The following DYNC1LI2 variants were observed in gnomAD, a reference collection of about 807,000 sequenced individuals.
DYNC1LI2 encodes dynein cytoplasmic 1 light intermediate chain 2, also known as cytoplasmic dynein 1 light intermediate chain 2.
A neutral mutation model predicts 57.8 loss-of-function variants in DYNC1LI2; 19 were observed. The observed-to-expected ratio is 0.33, with a 90% CI of 0.23 to 0.48. The LOEUF (loss-of-function observed/expected upper bound fraction) is 0.48, where lower values mean the gene tolerates loss of function less well. Ranked by LOEUF, DYNC1LI2 falls within the 20% of genes least tolerant of loss-of-function variation. DYNC1LI2 has a pLI of 0.99. For synonymous variants in DYNC1LI2, 256 were observed against 233.4 expected (o/e 1.10, Z -0.88); for missense variants, 470 against 604.2 (o/e 0.78, Z 2.33).
Position 66,736,445 on chromosome 16 carries a change from T to C in DYNC1LI2, c.530-201A>G, listed in dbSNP as rs925144616. On this transcript the variant is annotated intron_variant, in intron 4 of 12. Coordinates refer to ENST00000258198, the MANE Select transcript of DYNC1LI2 (RefSeq NM_006141.3). Reference sequence around the variant, plus strand: ...AATTCTGAAATATTCAGTGTGAGCTTTGTAACATCGGGGCAGCAAAGACAT... The same window carrying C: ...AATTCTGAAATATTCAGTGTGAGCTCTGTAACATCGGGGCAGCAAAGACAT... Among the ~76,000 whole-genome samples the C allele has an allele frequency of 3.3e-5, 5 of 152,304 alleles. No individual in the cohort carries two copies. The South Asian group carries it at 8.3e-4, about 25-fold the overall frequency.
At position 66,723,094 on chromosome 16, in the gene DYNC1LI2, G is replaced by C. The variant is rs546069573; in HGVS notation, c.*628C>G. ...CACCCCCACAATTAGTACATCTTTC[G>C]TAAGTTAAAGATGCATTCAAAATAA... On this transcript the variant is annotated 3_prime_UTR_variant, in exon 13 of 13. Transcript: ENST00000258198. 5.9e-6 allele frequency: 2 copies of C among 337,456 alleles called. No individual in the cohort carries two copies. The highest frequency in any genetic ancestry group is 1.2e-5 in the Non-Finnish European group (2 of 170,038). 20.9% of individuals were successfully genotyped at this position (337,456 alleles called of 1,614,324 possible).
chr16:66,749,249 T>C lies in DYNC1LI2; in HGVS notation c.246A>G (p.Lys82=), dbSNP rs749259724. 4 of 1,614,150 alleles carry C rather than the reference T, an allele frequency of 2.5e-6. No homozygotes were observed. The South Asian group carries it at 4.4e-5, about 18-fold the overall frequency. The change falls in exon 3 of 13, where the codon AAA becomes AAG. Residue 82 remains lysine (K), a synonymous_variant. Coordinates refer to ENST00000258198, the MANE Select transcript of DYNC1LI2 (RefSeq NM_006141.3). ...GGTAGAGATATTCTAGGCCTCTTCC[T>C]TTTTTGCCATGCTCAGCTCCTTGTA... The part of the protein sequence containing the change: ...TKLQGAEHGK[K]GRGLEYLYLS...
chr16:66,725,747 C>T lies in DYNC1LI2; in HGVS notation c.1378+81G>A, dbSNP rs2017526230. The T allele has an allele frequency of 6.7e-5, 94 of 1,404,992 alleles. No individual in the cohort carries two copies. The South Asian group carries it at 7.0e-4, about 10-fold the overall frequency. 87.0% of individuals were successfully genotyped at this position (1,404,992 alleles called of 1,614,324 possible). A position where few individuals can be genotyped will look rare whatever the true frequency, so the allele number is the denominator to read the frequency against. Reference sequence around the variant, plus strand: ...TTGGCTATTCAGGACACTGCAGGGTCTGCAGGGCAGGTGTCTGCCTCTCCA... The same window carrying T: ...TTGGCTATTCAGGACACTGCAGGGTTTGCAGGGCAGGTGTCTGCCTCTCCA... On this transcript the variant is annotated intron_variant, in intron 12 of 12. Transcript: ENST00000258198.
intron 11 of DYNC1LI2, 134 bp from the exon 12 acceptor site, chr16:66,726,078 C>G (rs529958953): frequency 1.2e-6 from 1 of 845,808 alleles, no homozygotes; most frequent in Non-Finnish European, 1.8e-6. Flanking sequence ...TCATTCGCTA[C>G]GATGCCTTTA....
At chr16:66,732,627 G>T in intron 6 of DYNC1LI2, 153 bp from the exon 7 acceptor site, 1 of 675,140 alleles carries the variant, frequency 1.5e-6, no homozygotes, top group Non-Finnish European at 2.2e-6. Context: ...AACGCTTATA[G>T]TATTACATAG....
At chr16:66,726,915 C>G (rs1050740893) in intron 11 of DYNC1LI2, among the ~76,000 whole-genome samples, 3 of 151,646 alleles carry the variant, frequency 2.0e-5, no homozygotes, top group Non-Finnish European at 4.4e-5. Flanking sequence ...TGAGTCACCA[C>G]GCCAGGCCTT....
Position 66,736,922 on chromosome 16 carries a change from C to G in DYNC1LI2, c.530-678G>C, listed in dbSNP as rs1253627015. 3.3e-5 allele frequency among the ~76,000 whole-genome samples: 5 copies of G among 152,206 alleles called. No individual in the cohort carries two copies. The East Asian group carries it at 9.6e-4, about 29-fold the overall frequency. On this transcript the variant is annotated intron_variant, in intron 4 of 12. Coordinates refer to ENST00000258198, the MANE Select transcript of DYNC1LI2 (RefSeq NM_006141.3). The stretch of plus-strand genomic sequence containing the variant: ...GAAGAGTTGAACTGTGTAACTTCAA[C>G]ATAGCTGACCATTAGAAACAGCTAT...
intron 5 of DYNC1LI2, among the ~76,000 whole-genome samples, chr16:66,735,311 G>C (rs1454005874): frequency 6.6e-6 from 1 of 151,726 alleles, no homozygotes; most frequent in African/African-American, 2.4e-5. Flanking sequence ...ATGTCGGCCA[G>C]GCTGGTCTTG....
chr16:66,725,023 A>T (rs919820953), intron 12 of DYNC1LI2, among the ~76,000 whole-genome samples: 2 of 151,816 alleles, frequency 1.3e-5, no homozygotes, highest in African/African-American at 4.8e-5. Flanking sequence ...AATACAAAAA[A>T]ATTAGCCGGA....
At chr16:66,745,422 T>C (rs1025448239) in intron 3 of DYNC1LI2, among the ~76,000 whole-genome samples, 7 of 151,618 alleles carry the variant, frequency 4.6e-5, no homozygotes, top group Admixed American at 3.3e-4. Flanking sequence ...GGGATTACAG[T>C]TGTGTGCCAC....
At chr16:66,746,637 G>A (rs1023034055) in intron 3 of DYNC1LI2, among the ~76,000 whole-genome samples, 1 of 152,084 alleles carries the variant, frequency 6.6e-6, no homozygotes, top group Non-Finnish European at 1.5e-5. Context: ...ATATGCTTAT[G>A]GTATCTTGAA....
chr16:66,736,034 C>G (rs1360224775), intron 5 of DYNC1LI2, 41 bp downstream of exon 5: 1 of 1,595,886 alleles, frequency 6.3e-7, no homozygotes, highest in Admixed American at 1.7e-5. Context: ...TGACTGTTCA[C>G]CACCCGAACC....
rs1398292103 is a variant in DYNC1LI2 at position 66,721,044 on chromosome 16, C to A, written c.*2678G>T. The A allele has an allele frequency of 6.6e-6, 1 of 152,628 alleles. No homozygotes were observed. The highest frequency in any genetic ancestry group is 1.9e-4 in the East Asian group (1 of 5,196). The allele number at this position is 152,628 out of a possible 1,614,324, so 9.5% of individuals were successfully genotyped here. A position where few individuals can be genotyped will look rare whatever the true frequency, so the allele number is the denominator to read the frequency against. Reference sequence around the variant, plus strand: ...AGGCTGGTGGGGGATAATCTGCAGTCTTACTTTTAAGTTAGAAACACCAAT... The same window carrying A: ...AGGCTGGTGGGGGATAATCTGCAGTATTACTTTTAAGTTAGAAACACCAAT... On this transcript the variant is annotated 3_prime_UTR_variant, in exon 13 of 13. Transcript: ENST00000258198.
intron 3 of DYNC1LI2, among the ~76,000 whole-genome samples, chr16:66,748,812 C>G (rs1192770739): frequency 6.6e-6 from 1 of 152,196 alleles, no homozygotes; most frequent in Non-Finnish European, 1.5e-5. Context: ...CTAAACCACA[C>G]CAACTTCGGA....
intron 3 of DYNC1LI2, among the ~76,000 whole-genome samples, chr16:66,748,096 G>A (rs147335223): frequency 6.6e-6 from 1 of 151,876 alleles, no homozygotes; most frequent in East Asian, 1.9e-4. Context: ...AGACCAACCT[G>A]AGCAACATAG....
At position 66,732,443 on chromosome 16, in the gene DYNC1LI2, T is replaced by C; in HGVS notation, c.825A>G (p.Lys275=). 6.2e-7 allele frequency: 1 copy of C among 1,613,504 alleles called. No individual in the cohort carries two copies. The highest frequency in any genetic ancestry group is 8.5e-7 in the Non-Finnish European group (1 of 1,179,974). The change falls in exon 7 of 13, where the codon AAA becomes AAG. Residue 275 remains lysine (K), a synonymous_variant. Coordinates refer to ENST00000258198, the MANE Select transcript of DYNC1LI2 (RefSeq NM_006141.3). ...ACAACAAGTCGAGGTTTTTCTCTTC[T>C]TTCACTGATGTGTAAATCAAGGCAG... ...YGAALIYTSV[K]EEKNLDLLYK...
At chr16:66,732,254 G>T in intron 7 of DYNC1LI2, 85 bp downstream of exon 7, 2 of 1,511,026 alleles carry the variant, frequency 1.3e-6, no homozygotes, top group South Asian at 2.6e-5. Flanking sequence ...ACAGACAGAA[G>T]GCACCTTCCT....
At chr16:66,739,147 T>C (rs1277026140) in intron 4 of DYNC1LI2, 1 of 152,202 alleles carries the variant, frequency 6.6e-6, no homozygotes, top group African/African-American at 2.4e-5. Flanking sequence ...CCCGAAGATC[T>C]CGTGAGGCAC....
intron 3 of DYNC1LI2, among the ~76,000 whole-genome samples, chr16:66,743,655 A>C (rs1049626455): frequency 2.0e-5 from 3 of 152,178 alleles, no homozygotes; most frequent in African/African-American, 4.8e-5. Flanking sequence ...GCCACAACCT[A>C]AATAATCCAT....
Sources: allele counts gnomAD v4.1 joint callset (sites outside exome capture counted in the v4.1 genomes callset), GRCh38; gene constraint gnomAD v4.1.1; transcripts MANE v1.5; gene names NCBI Gene and HGNC (gene_info 2026-07-23, HGNC 2026-07-21).